DISP3: variants seen among roughly 807,000 people sequenced by gnomAD.
The protein encoded by DISP3 is protein dispatched homolog 3.
DISP3 carries 101 observed loss-of-function variants against 135.3 expected under a neutral mutation model. That is an observed-to-expected ratio of 0.75 (90% CI 0.64 to 0.88). The LOEUF (loss-of-function observed/expected upper bound fraction) is 0.88, where lower values mean the gene tolerates loss of function less well. Ranked by LOEUF, DISP3 falls within the 40% of genes least tolerant of loss-of-function variation. The pLI is 0.00. For missense variants in DISP3, 1,713 were observed against 1,878.6 expected (o/e 0.91, Z 1.63); for synonymous variants, 856 against 817.0 (o/e 1.05, Z -0.81).
In DISP3 at chr1:11,499,309, G is replaced by A. The variant is rs548952332; in HGVS notation, c.-3-1681G>A. Among the ~76,000 whole-genome samples, 2 of 152,228 alleles carry A rather than the reference G, an allele frequency of 1.3e-5. No individual in the cohort carries two copies. The highest frequency in any genetic ancestry group is 3.9e-4 in the East Asian group (2 of 5,170). On this transcript the variant is annotated intron_variant, in intron 1 of 20. Coordinates refer to ENST00000294484, the MANE Select transcript of DISP3 (RefSeq NM_020780.2). This position sits in a 1 kb window ranked among gnomAD's most constrained non-coding sequence, Gnocchi z 5.2. ...TAGTTCCCAGAAAACTGCAAACACGGCCCCTCCCCTCTCCACCTTATTCCC... is the reference window on the plus strand; with the variant it reads ...TAGTTCCCAGAAAACTGCAAACACGACCCCTCCCCTCTCCACCTTATTCCC...
In DISP3 at chr1:11,501,492, A is replaced by G; in HGVS notation, c.500A>G (p.Gln167Arg). The G allele has an allele frequency of 1.2e-6, 2 of 1,606,386 alleles. No individual in the cohort carries two copies. The part of the protein sequence containing the change: ...QQLHLGNRSR[Q>R]ASRAPRVIPA... ...CTGCATCTCGGCAACCGCTCGCGGC[A>G]AGCCTCCCGAGCCCCCCGCGTCATC... Residue 167 changes from glutamine to arginine, a missense_variant, in exon 2 of 21, where the codon CAA becomes CGA. Around this residue, in one of 2 missense-constraint regions of DISP3, gnomAD observed 571 missense variants for 494.1 expected, o/e 1.16. Coordinates refer to ENST00000294484, the MANE Select transcript of DISP3 (RefSeq NM_020780.2). The surrounding 1 kb of genome is among the most constrained non-coding windows in gnomAD (Gnocchi z 4.9).
Position 11,516,038 on chromosome 1 carries a change from C to G in DISP3, c.1626C>G (p.Arg542=). 1 of 1,614,096 alleles carries G rather than the reference C, an allele frequency of 6.2e-7. No homozygotes were observed. The highest frequency in any genetic ancestry group is 8.5e-7 in the Non-Finnish European group (1 of 1,179,976). ...DDVFVFINTY[R]QATHLEDPQL... is the part of the protein sequence containing the mutation. ...TCTTTGTGTTCATCAACACCTACCG[C>G]CAGGCCACCCACCTGGAAGACCCAC... Residue 542 remains arginine (R), a synonymous_variant, in exon 6 of 21, where the codon CGC becomes CGG. Transcript: ENST00000294484. This position sits in a 1 kb window ranked among gnomAD's most constrained non-coding sequence, Gnocchi z 5.1.
rs764026818 is a variant in DISP3 at position 11,519,526 on chromosome 1, C to T, written c.2038+23C>T. 9.3e-6 allele frequency: 15 copies of T among 1,611,952 alleles called. No individual in the cohort carries two copies. The East Asian group carries it at 3.1e-4, about 34-fold the overall frequency. On this transcript the variant is annotated intron_variant, in intron 8 of 20. Coordinates refer to ENST00000294484, the MANE Select transcript of DISP3 (RefSeq NM_020780.2). This position sits in a 1 kb window ranked among gnomAD's most constrained non-coding sequence, Gnocchi z 4.3. The stretch of plus-strand genomic sequence containing the variant: ...CAGGTGAGAGCTGGCACAGGCCTGC[C>T]CTACTGACCCCAGTGAGACCCAGCG...
chr1:11,535,180 C>T, intron 19 of DISP3, 56 bp downstream of exon 19: 1 of 1,496,498 alleles, frequency 6.7e-7, no homozygotes, highest in Non-Finnish European at 9.1e-7. Context: ...AACAGACAGT[C>T]TCCCCGGTGG....
intron 11 of DISP3, among the ~76,000 whole-genome samples, chr1:11,524,429 C>G (rs1174621474): frequency 6.6e-6 from 1 of 152,024 alleles, no homozygotes; most frequent in East Asian, 1.9e-4. Flanking sequence ...CATCAGGCAG[C>G]TGTGTCTGTC....
intron 7 of DISP3, among the ~76,000 whole-genome samples, chr1:11,517,869 G>A (rs1419507274): frequency 1.3e-5 from 2 of 152,302 alleles, no homozygotes; most frequent in East Asian, 3.9e-4. Context: ...TTCTCTTGCT[G>A]TGCCCATTTT....
rs774613596 is a variant in DISP3 at position 11,531,072 on chromosome 1, A to C, written c.3229+39A>C. 1 of 1,609,082 alleles carries C rather than the reference A, an allele frequency of 6.2e-7. No individual in the cohort carries two copies. The highest frequency in any genetic ancestry group is 1.7e-5 in the Admixed American group (1 of 59,970). On this transcript the variant is annotated intron_variant, in intron 16 of 20. Transcript: ENST00000294484. This position sits in a 1 kb window ranked among gnomAD's most constrained non-coding sequence, Gnocchi z 5.2. The stretch of plus-strand genomic sequence containing the variant: ...GGGGAGCTGGTTCCTCCGAGGGAGG[A>C]TGGACTGACTGGGGAGGCACAGAGG...
chr1:11,528,402 A>G (rs1183404575), intron 13 of DISP3, among the ~76,000 whole-genome samples: 1 of 152,204 alleles, frequency 6.6e-6, no homozygotes, highest in Non-Finnish European at 1.5e-5. Flanking sequence ...TGGAGGCCAT[A>G]TTAGCCAAAG....
chr1:11,517,342 C>G, intron 6 of DISP3, 121 bp from the exon 7 acceptor site: 1 of 1,341,732 alleles, frequency 7.5e-7, no homozygotes, highest in Non-Finnish European at 1.0e-6. Context: ...TGGGCCTCCT[C>G]CTACTGCCTC....
chr1:11,495,100 A>G (rs537207450), intron 1 of DISP3, among the ~76,000 whole-genome samples: 1 of 152,308 alleles, frequency 6.6e-6, no homozygotes, highest in Non-Finnish European at 1.5e-5. Flanking sequence ...AACTTCAAAA[A>G]TGGCTCTCCC....
intron 3 of DISP3, among the ~76,000 whole-genome samples, chr1:11,503,417 G>A (rs1641609559): frequency 6.6e-6 from 1 of 152,178 alleles, no homozygotes. Flanking sequence ...CAAATTTGAA[G>A]GCCTCAGAAC....
Position 11,501,455 on chromosome 1 carries a change from C to G in DISP3, c.463C>G (p.Gln155Glu), listed in dbSNP as rs1192644678. 2 of 1,600,204 alleles carry G rather than the reference C, an allele frequency of 1.2e-6. No homozygotes were observed. Among genetic ancestry groups the G allele is most frequent in the Admixed American group, 3.4e-5 (2 of 58,396 alleles). ...GACGCTTCAGCGCCTTATCTCAGAGCAGCTGCAGCAGCTGCATCTCGGCAA... is the reference window on the plus strand; with the variant it reads ...GACGCTTCAGCGCCTTATCTCAGAGGAGCTGCAGCAGCTGCATCTCGGCAA... ...SETLQRLISE[Q>E]LQQLHLGNRS... The change falls in exon 2 of 21, where the codon CAG becomes GAG. Residue 155 changes from glutamine to glutamate, a missense_variant. Physicochemically the swap from Gln to Glu is conservative, Grantham distance 29. Transcript: ENST00000294484. This position sits in a 1 kb window ranked among gnomAD's most constrained non-coding sequence, Gnocchi z 4.9.
At chr1:11,496,671 G>A (rs1641343193) in intron 1 of DISP3, among the ~76,000 whole-genome samples, 2 of 152,238 alleles carry the variant, frequency 1.3e-5, no homozygotes, top group Admixed American at 6.5e-5. Context: ...AGGGGCCTGC[G>A]GAGGGAGGTG....
rs1372121207 is a variant in DISP3, at chr1:11,531,514, A to G, written c.3230-51A>G. On this transcript the variant is annotated intron_variant, in intron 16 of 20. Coordinates refer to ENST00000294484, the MANE Select transcript of DISP3 (RefSeq NM_020780.2). The surrounding 1 kb of genome is among the most constrained non-coding windows in gnomAD (Gnocchi z 5.2). ...GTGGGCACAGGTGTGATGCAGGGGGACAGGCTCTTCCAGGGCCACCACGCA... is the reference window on the plus strand; with the variant it reads ...GTGGGCACAGGTGTGATGCAGGGGGGCAGGCTCTTCCAGGGCCACCACGCA... 3.7e-6 allele frequency: 6 copies of G among 1,611,150 alleles called. No individual in the cohort carries two copies. Among genetic ancestry groups the G allele is most frequent in the Non-Finnish European group, 5.1e-6 (6 of 1,178,532 alleles).
Position 11,531,176 on chromosome 1 carries a change from A to G in DISP3, c.3229+143A>G, listed in dbSNP as rs2817629. The G allele has an allele frequency of 3.3e-3, 4,414 of 1,355,602 alleles. 122 individuals are homozygous for G. In the African/African-American group the frequency reaches 0.057, roughly 17 times the overall value. 84.0% of individuals were successfully genotyped at this position (1,355,602 alleles called of 1,614,324 possible). On this transcript the variant is annotated intron_variant, in intron 16 of 20. Transcript: ENST00000294484. The surrounding 1 kb of genome is among the most constrained non-coding windows in gnomAD (Gnocchi z 5.2). Reference sequence around the variant, plus strand: ...TTGCAGATGTGTATCTGTGCTGAGCATGTCCACACCAGGGTGGGGTGTGTG... The same window carrying G: ...TTGCAGATGTGTATCTGTGCTGAGCGTGTCCACACCAGGGTGGGGTGTGTG...
intron 6 of DISP3, 126 bp from the exon 7 acceptor site, chr1:11,517,337 C>T (rs1642040354): frequency 1.6e-6 from 2 of 1,280,670 alleles, no homozygotes; most frequent in South Asian, 1.4e-5. Flanking sequence ...CAGCCTGGGC[C>T]TCCTCCTACT....
At chr1:11,496,566 C>T (rs907711224) in intron 1 of DISP3, among the ~76,000 whole-genome samples, 5 of 152,216 alleles carry the variant, frequency 3.3e-5, no homozygotes, top group Non-Finnish European at 5.9e-5. Context: ...TTCCTTTCCA[C>T]GGAGCAGCTG....
intron 11 of DISP3, among the ~76,000 whole-genome samples, chr1:11,524,571 C>T (rs4634914): frequency 0.51 from 75,542 of 148,690 alleles, 21,743 homozygotes; most frequent in Admixed American, 0.65. Context: ...TAGTCCACCC[C>T]ATCCCAGTGA....
rs191775145 is a variant in DISP3 at position 11,494,500 on chromosome 1, G to A, written c.-3-6490G>A. ...TGACTGGCACATAGCCAGGACATCCGGAGAGCGGTGGATTCTCAGAAGACG... is the reference window on the plus strand; with the variant it reads ...TGACTGGCACATAGCCAGGACATCCAGAGAGCGGTGGATTCTCAGAAGACG... On this transcript the variant is annotated intron_variant, in intron 1 of 20. Coordinates refer to ENST00000294484, the MANE Select transcript of DISP3 (RefSeq NM_020780.2). Among the ~76,000 whole-genome samples the A allele has an allele frequency of 4.1e-4, 62 of 152,334 alleles. 1 individual carries two copies. In the East Asian group the frequency reaches 6.7e-3, roughly 17 times the overall value.
Sources: gnomAD v4.1 joint callset for allele counts (sites outside exome capture counted in the v4.1 genomes callset) on GRCh38, gnomAD v4.1.1 for gene constraint, gnomAD v4.1.1 regional missense constraint, Gnocchi (gnomAD v3.1) non-coding constraint, MANE v1.5 for transcripts, NCBI Gene and HGNC (gene_info 2026-07-23, HGNC 2026-07-21) for gene names.